The following ADARB1 variants were observed in gnomAD, a reference collection of about 807,000 sequenced individuals.
ADARB1 encodes adenosine deaminase RNA specific B1.
Under a neutral mutation model 52.4 loss-of-function variants are expected in ADARB1, and 10 were observed. The ratio of observed to expected loss-of-function variants is 0.19; its 90% CI spans 0.12 to 0.32. The LOEUF (loss-of-function observed/expected upper bound fraction) is 0.32. ADARB1 is among the 10% of genes least tolerant of loss of function. The probability of loss-of-function intolerance (pLI) is 1.00; values close to 1 mark genes in which losing one functional copy is unlikely to be tolerated. For synonymous variants in ADARB1, 349 were observed against 371.1 expected (o/e 0.94, Z 0.68); for missense variants, 643 against 922.3 (o/e 0.70, Z 3.92).
intron 1 of ADARB1, among the ~76,000 whole-genome samples, chr21:45,107,220 A>G (rs1232962679): frequency 6.6e-6 from 1 of 152,246 alleles, no homozygotes; most frequent in Non-Finnish European, 1.5e-5. Flanking sequence ...AAGACACAGA[A>G]GTCGCCTTGA....
chr21:45,169,657 TC>T (rs2091402230), intron 2 of ADARB1, among the ~76,000 whole-genome samples: 1 of 152,226 alleles, frequency 6.6e-6, no homozygotes, highest in Non-Finnish European at 1.5e-5. Flanking sequence ...AACTCTGTCT[TC>T]CCACTGAGGA....
chr21:45,124,334 A>T (rs1187095620), intron 1 of ADARB1, among the ~76,000 whole-genome samples: 1 of 152,022 alleles, frequency 6.6e-6, no homozygotes, highest in Non-Finnish European at 1.5e-5. Flanking sequence ...ACTATAATCC[A>T]TCCCTCCCTC....
At chr21:45,190,304 A>G (rs1175663382) in intron 8 of ADARB1, among the ~76,000 whole-genome samples, 1 of 152,142 alleles carries the variant, frequency 6.6e-6, no homozygotes, top group Non-Finnish European at 1.5e-5. Flanking sequence ...TTATACTAAT[A>G]TCTCTTTGTT....
Position 45,176,958 on chromosome 21 carries a change from CA to C in ADARB1, c.963+296del, listed in dbSNP as rs1239802575. ...TATCCATAACTCCCTTCCCGTTAGGCAACCCCCCCCATGACCCTCATCCCAC... is the reference window on the plus strand; with the variant it reads ...TATCCATAACTCCCTTCCCGTTAGGCACCCCCCCCATGACCCTCATCCCAC... On this transcript the variant is annotated intron_variant, in intron 4 of 10. Transcript: ENST00000348831. This position sits in a 1 kb window ranked among gnomAD's most constrained non-coding sequence, Gnocchi z 5.8. The C allele has an allele frequency of 1.9e-5, 5 of 269,266 alleles. No homozygotes were observed. Among genetic ancestry groups the C allele is most frequent in the Non-Finnish European group, 1.9e-5 (3 of 160,656 alleles). The allele number at this position is 269,266 out of a possible 1,614,324, so 16.7% of individuals were successfully genotyped here.
chr21:45,135,873 C>A (rs753727253), intron 2 of ADARB1, among the ~76,000 whole-genome samples: 1 of 152,194 alleles, frequency 6.6e-6, no homozygotes, highest in Non-Finnish European at 1.5e-5. Context: ...TCACCCTCCC[C>A]GGTGGGTCCT....
At chr21:45,190,390 A>C (rs1392847436) in intron 8 of ADARB1, among the ~76,000 whole-genome samples, 1 of 152,140 alleles carries the variant, frequency 6.6e-6, no homozygotes, top group Non-Finnish European at 1.5e-5. Flanking sequence ...CTCATTAGGC[A>C]TCTTTATGAC....
chr21:45,100,065 C>T (rs1390157208), intron 1 of ADARB1, among the ~76,000 whole-genome samples: 1 of 152,136 alleles, frequency 6.6e-6, no homozygotes, highest in Non-Finnish European at 1.5e-5. Flanking sequence ...CTTCCCTTTC[C>T]AAAACTTTCC....
At chr21:45,182,818 A>C in intron 6 of ADARB1, 65 bp downstream of exon 6, 1 of 1,370,424 alleles carries the variant, frequency 7.3e-7, no homozygotes, top group Non-Finnish European at 9.8e-7. Flanking sequence ...ATTAGAAAAC[A>C]TTGCAAAACC....
At chr21:45,114,169 T>G (rs2087703946) in intron 1 of ADARB1, among the ~76,000 whole-genome samples, 1 of 152,210 alleles carries the variant, frequency 6.6e-6, no homozygotes, top group Non-Finnish European at 1.5e-5. Context: ...GCTTGGAGGT[T>G]GTTTTGGCTC....
intron 1 of ADARB1, among the ~76,000 whole-genome samples, chr21:45,084,958 C>T (rs952092715): frequency 6.6e-6 from 1 of 152,172 alleles, no homozygotes; most frequent in African/African-American, 2.4e-5. Flanking sequence ...GAGTCAGACA[C>T]AATACTGGGT....
intron 2 of ADARB1, among the ~76,000 whole-genome samples, chr21:45,130,397 A>C (rs1245619567): frequency 6.6e-6 from 1 of 152,262 alleles, no homozygotes; most frequent in Non-Finnish European, 1.5e-5. Flanking sequence ...CTGAGAAAGC[A>C]AAACTGAAGA....
chr21:45,106,381 T>G (rs1359969076), intron 1 of ADARB1, among the ~76,000 whole-genome samples: 1 of 152,172 alleles, frequency 6.6e-6, no homozygotes, highest in South Asian at 2.1e-4. Context: ...CTCAGTGTGT[T>G]TATCATCATG....
chr21:45,117,013 A>C (rs931895202), intron 1 of ADARB1: 3 of 152,206 alleles, frequency 2.0e-5, no homozygotes, highest in African/African-American at 7.2e-5. Flanking sequence ...ACAAATTAGC[A>C]GATGACACTG....
intron 2 of ADARB1, among the ~76,000 whole-genome samples, chr21:45,156,287 A>T (rs2090614763): frequency 3.2e-5 from 4 of 123,798 alleles, no homozygotes; most frequent in African/African-American, 1.3e-4. Context: ...ATCATCACCC[A>T]TCACCCATCA....
intron 1 of ADARB1, among the ~76,000 whole-genome samples, chr21:45,101,288 C>T (rs1245156781): frequency 1.3e-5 from 2 of 152,166 alleles, no homozygotes; most frequent in Non-Finnish European, 2.9e-5. Flanking sequence ...GCCCTGCGCG[C>T]GGGCGGGCCG....
intron 1 of ADARB1, among the ~76,000 whole-genome samples, chr21:45,124,188 T>C (rs893717703): frequency 7.9e-5 from 12 of 152,234 alleles, no homozygotes; most frequent in African/African-American, 2.9e-4. Context: ...GTATACGATG[T>C]TTACACTGTA....
rs531231999 is a variant in ADARB1, at chr21:45,121,814, T to C, written c.-219-6588T>C. Among the ~76,000 whole-genome samples, 104 of 152,374 alleles carry C rather than the reference T, an allele frequency of 6.8e-4. 2 individuals carry two copies. The highest frequency in any genetic ancestry group is 6.8e-3 in the Admixed American group (104 of 15,310). On this transcript the variant is annotated intron_variant, in intron 1 of 10. Coordinates refer to ENST00000348831, the MANE Select transcript of ADARB1 (RefSeq NM_001112.4). ...AGTTTACCTGTTTACTAACTGTTTG[T>C]ATCTCCTTTAGCCGTTGTTTTCTGT...
In ADARB1 at chr21:45,208,441, G is replaced by A. The variant is rs1001625341; in HGVS notation, c.1747+3705G>A. On this transcript the variant is annotated intron_variant, in intron 9 of 10. Transcript: ENST00000348831. This position sits in a 1 kb window ranked among gnomAD's most constrained non-coding sequence, Gnocchi z 5.6. The stretch of plus-strand genomic sequence containing the variant: ...GAGGACAGCACAGGGACCCAAGGGG[G>A]CTGGCAGCAGGCCCAGGTGTGTGGC... 2.0e-5 allele frequency among the ~76,000 whole-genome samples: 3 copies of A among 152,330 alleles called. No homozygotes were observed. Among genetic ancestry groups the A allele is most frequent in the Middle Eastern group, 3.4e-3 (1 of 294 alleles).
intron 9 of ADARB1, among the ~76,000 whole-genome samples, chr21:45,219,733 C>A (rs2092928927): frequency 6.6e-6 from 1 of 152,188 alleles, no homozygotes; most frequent in Non-Finnish European, 1.5e-5. Flanking sequence ...CACACACTTG[C>A]CCTTGTTTGA....
Sources: allele counts gnomAD v4.1 joint callset (sites outside exome capture counted in the v4.1 genomes callset), GRCh38; gene constraint gnomAD v4.1.1; non-coding constraint Gnocchi (gnomAD v3.1); transcripts MANE v1.5; gene names NCBI Gene and HGNC (gene_info 2026-07-23, HGNC 2026-07-21).